VCL: variants seen among roughly 807,000 people sequenced by gnomAD.
VCL encodes epididymis luminal protein 114.
In VCL, 47 loss-of-function variants were observed where a neutral mutation model predicts 125.7. That is an observed-to-expected ratio of 0.37 (90% confidence interval 0.30 to 0.48). The LOEUF is 0.48. VCL is among the 20% of genes least tolerant of loss of function. The pLI, the probability that VCL is intolerant of heterozygous loss-of-function variation, is 0.99. For synonymous variants in VCL, 458 were observed against 514.6 expected (o/e 0.89, Z 1.49); for missense variants, 1,069 against 1,455.5 (o/e 0.73, Z 4.32).
At chr10:74,115,506 G>A (rs917029968) in intron 21 of VCL, among the ~76,000 whole-genome samples, 1 of 152,224 alleles carries the variant, frequency 6.6e-6, no homozygotes, top group African/African-American at 2.4e-5. Flanking sequence ...TTAAGTGTCT[G>A]AAATAACACT....
At chr10:74,015,690 T>C (rs1268984308) in intron 1 of VCL, among the ~76,000 whole-genome samples, 1 of 151,928 alleles carries the variant, frequency 6.6e-6, no homozygotes, top group Non-Finnish European at 1.5e-5. Flanking sequence ...TCTTTCTTTT[T>C]CTTTTTTTTT....
At chr10:74,056,328 C>T (rs1019363574) in intron 2 of VCL, among the ~76,000 whole-genome samples, 1 of 151,924 alleles carries the variant, frequency 6.6e-6, no homozygotes, top group East Asian at 1.9e-4. Flanking sequence ...CAGTTTTCCC[C>T]TTAGCTTTAT....
chr10:74,089,260 C>G lies in VCL; in HGVS notation c.1087C>G (p.Leu363Val). 1 of 1,614,120 alleles carries G rather than the reference C, an allele frequency of 6.2e-7. No homozygotes were observed. The highest frequency in any genetic ancestry group is 8.5e-7 in the Non-Finnish European group (1 of 1,180,030). The change falls in exon 9 of 22, where the codon CTC becomes GTC. Residue 363 changes from leucine to valine, a missense_variant. Physicochemically the swap from Leu to Val is conservative, Grantham distance 32 (BLOSUM62 1). Transcript: ENST00000211998. ...AQQVSQGLDVLTAKVENAARK... is the reference protein window; with the variant it reads ...AQQVSQGLDVVTAKVENAARK... ...GCAGGTATCTCAGGGTCTGGATGTG[C>G]TCACAGCAAAAGTGGAAAATGCAGC... is the stretch of plus-strand genomic sequence containing the variant.
At chr10:74,056,876 G>T (rs1841400588) in intron 2 of VCL, among the ~76,000 whole-genome samples, 1 of 152,054 alleles carries the variant, frequency 6.6e-6, no homozygotes, top group South Asian at 2.1e-4. Flanking sequence ...ACATAGAAAA[G>T]AAATTTCTTC....
chr10:74,000,233 C>T (rs1840201054), intron 1 of VCL, among the ~76,000 whole-genome samples: 1 of 151,334 alleles, frequency 6.6e-6, no homozygotes, highest in Non-Finnish European at 1.5e-5. Flanking sequence ...TGTCCAGCTC[C>T]CACGGGTCAA....
At chr10:74,102,032 A>G (rs954310889) in intron 14 of VCL, among the ~76,000 whole-genome samples, 1 of 64,844 alleles carries the variant, frequency 1.5e-5, no homozygotes, top group Non-Finnish European at 3.4e-5. Flanking sequence ...TGCCCGGCTA[A>G]TTTTTCTATT....
chr10:74,092,851 G>A (rs1839910068), intron 10 of VCL, among the ~76,000 whole-genome samples: 1 of 152,144 alleles, frequency 6.6e-6, no homozygotes, highest in African/African-American at 2.4e-5. Flanking sequence ...AAGATCTCCA[G>A]TGACTTTTAT....
chr10:74,035,329 A>G (rs1281549115), intron 1 of VCL, among the ~76,000 whole-genome samples: 2 of 151,984 alleles, frequency 1.3e-5, no homozygotes, highest in Middle Eastern at 3.4e-3. Context: ...TTGTGATGAA[A>G]GGAGTAATAA....
intron 10 of VCL, among the ~76,000 whole-genome samples, chr10:74,092,373 G>C (rs7895401): frequency 6.8e-4 from 103 of 152,236 alleles, no homozygotes; most frequent in African/African-American, 2.4e-3. Flanking sequence ...TTTTCTTTGT[G>C]ATATAATTGT....
chr10:74,117,945 A>G lies in VCL; in HGVS notation c.3259-78A>G, dbSNP rs1591722780. ...GTACCAGTGGGGTTAGCTGCATCCC[A>G]CTCCTGGCTGAAACCTATTTTAGAG... On this transcript the variant is annotated intron_variant, in intron 21 of 21. Transcript: ENST00000211998. The G allele has an allele frequency of 5.6e-6, 9 of 1,600,790 alleles. No homozygotes were observed. In the East Asian group the frequency reaches 2.0e-4, roughly 36 times the overall value.
At chr10:74,007,997 A>G (rs1455732434) in intron 1 of VCL, among the ~76,000 whole-genome samples, 1 of 151,124 alleles carries the variant, frequency 6.6e-6, no homozygotes, top group African/African-American at 2.4e-5. Flanking sequence ...AGAGATGGGG[A>G]TTCACCATGT....
intron 1 of VCL, among the ~76,000 whole-genome samples, chr10:74,031,435 T>C (rs956508368): frequency 6.6e-6 from 1 of 152,200 alleles, no homozygotes; most frequent in African/African-American, 2.4e-5. Context: ...CCTTTTCTTA[T>C]ACCATACACA....
At chr10:74,019,158 G>A (rs1277359430) in intron 1 of VCL, among the ~76,000 whole-genome samples, 1 of 152,164 alleles carries the variant, frequency 6.6e-6, no homozygotes, top group Non-Finnish European at 1.5e-5. Flanking sequence ...GTATGTGCAA[G>A]TACATTTACA....
chr10:74,072,532 G>A (rs909874279), intron 4 of VCL, among the ~76,000 whole-genome samples, 198 bp from the exon 5 acceptor site: 4 of 152,058 alleles, frequency 2.6e-5, no homozygotes, highest in African/African-American at 9.7e-5. Context: ...ATCACATTTA[G>A]TGTTTACATT....
At chr10:74,053,912 A>G (rs1841350914) in intron 2 of VCL, among the ~76,000 whole-genome samples, 2 of 152,116 alleles carry the variant, frequency 1.3e-5, no homozygotes, top group Non-Finnish European at 2.9e-5. Context: ...TAATTTTTAA[A>G]TTAGAGAATT....
chr10:74,046,137 T>C (rs957818258), intron 2 of VCL, among the ~76,000 whole-genome samples: 4 of 152,186 alleles, frequency 2.6e-5, no homozygotes, highest in African/African-American at 9.7e-5. Flanking sequence ...CAGCCTGTTT[T>C]GTGGGAGTAT....
At chr10:74,073,422 C>T (rs925784627) in intron 5 of VCL, among the ~76,000 whole-genome samples, 18 of 152,314 alleles carry the variant, frequency 1.2e-4, no homozygotes, top group Middle Eastern at 3.4e-3. Flanking sequence ...TTCTGTTCTC[C>T]TAAAGCTCTA....
At chr10:74,100,899 G>C in intron 13 of VCL, 49 bp from the exon 14 acceptor site, 1 of 1,610,616 alleles carries the variant, frequency 6.2e-7, no homozygotes, top group Non-Finnish European at 8.5e-7. Flanking sequence ...TAGGCTGCCT[G>C]ACCCATTTTA....
At chr10:74,059,219 G>A (rs547520004) in intron 2 of VCL, among the ~76,000 whole-genome samples, 8 of 152,192 alleles carry the variant, frequency 5.3e-5, no homozygotes, top group Non-Finnish European at 1.0e-4. Context: ...GTTCGGCATG[G>A]TGGCGCATGC....
Sources: allele counts gnomAD v4.1 joint callset (sites outside exome capture counted in the v4.1 genomes callset), GRCh38; gene constraint gnomAD v4.1.1; transcripts MANE v1.5; gene names NCBI Gene and HGNC (gene_info 2026-07-23, HGNC 2026-07-21).